MYO1C: variants seen among roughly 807,000 people sequenced by gnomAD.
The protein encoded by MYO1C is unconventional myosin-Ic.
In MYO1C, 104 loss-of-function variants were observed where a neutral mutation model predicts 150.8. The observed-to-expected ratio is 0.69, with a 90% confidence interval of 0.59 to 0.81. The LOEUF (loss-of-function observed/expected upper bound fraction) is 0.81, where lower values mean the gene tolerates loss of function less well. Ranked by LOEUF, MYO1C falls within the 30% of genes least tolerant of loss-of-function variation. The pLI, the probability that MYO1C is intolerant of heterozygous loss-of-function variation, is 0.00. For synonymous variants in MYO1C, 663 were observed against 579.9 expected (o/e 1.14, Z -2.06); for missense variants, 1,504 against 1,435.0 (o/e 1.05, Z -0.78).
At chr17:1,484,437 G>A (rs1331714628) in intron 1 of MYO1C, 134 bp from the exon 2 acceptor site, 18 of 1,104,528 alleles carry the variant, frequency 1.6e-5, no homozygotes, top group Admixed American at 1.2e-4. Flanking sequence ...TGAGCATGAC[G>A]GGTGCGGGGG....
At position 1,470,167 on chromosome 17, in the gene MYO1C, C is replaced by T. The variant is rs746965216; in HGVS notation, c.2526+8G>A. On this transcript the variant is annotated splice_region_variant and intron_variant, in intron 24 of 31. Transcript: ENST00000648651. ...TGGTCCCTAACTTGGCAGGGGGTGC[C>T]CACAGACCTCACGCAGGGCAGGTGG... 19 of 1,606,514 alleles carry T rather than the reference C, an allele frequency of 1.2e-5. No homozygotes were observed. Among genetic ancestry groups the T allele is most frequent in the Admixed American group, 1.7e-5 (1 of 59,528 alleles).
chr17:1,491,629 CGGGCT>C (rs1251531535), intron 1 of MYO1C: 3 of 981,226 alleles, frequency 3.1e-6, no homozygotes, highest in Admixed American at 1.3e-4. Flanking sequence ...CGGGCGGGGC[CGGGCT>C]GGGCGGCGTG....
chr17:1,471,006 G>T, intron 21 of MYO1C, 65 bp downstream of exon 21: 1 of 1,543,236 alleles, frequency 6.5e-7, no homozygotes, highest in South Asian at 1.1e-5. Flanking sequence ...AGGAGCCCAA[G>T]GGAGTGACTT....
At chr17:1,488,797 G>A (rs2074697167) in intron 1 of MYO1C, among the ~76,000 whole-genome samples, 1 of 152,176 alleles carries the variant, frequency 6.6e-6, no homozygotes, top group Admixed American at 6.5e-5. Context: ...TGCAGGCCAT[G>A]GCCCCTGAGT....
intron 7 of MYO1C, 127 bp downstream of exon 7, chr17:1,480,400 A>G (rs1429237561): frequency 1.2e-6 from 1 of 828,256 alleles, no homozygotes; most frequent in African/African-American, 1.7e-5. Flanking sequence ...GTGAGCTGAG[A>G]TTGCACCACT....
intron 1 of MYO1C, among the ~76,000 whole-genome samples, chr17:1,486,593 G>A (rs1249241294): frequency 6.6e-6 from 1 of 151,116 alleles, no homozygotes; most frequent in African/African-American, 2.4e-5. Flanking sequence ...TCGGCTCACT[G>A]CAACCTCTGC....
chr17:1,470,102 T>C (rs553474617), intron 24 of MYO1C, 73 bp downstream of exon 24: 56 of 1,475,794 alleles, frequency 3.8e-5, no homozygotes, highest in Non-Finnish European at 5.0e-5. Flanking sequence ...GACCAATCCT[T>C]TGGCCCGAAG....
intron 30 of MYO1C, 30 bp from the exon 31 acceptor site, chr17:1,467,371 C>G: frequency 6.2e-7 from 1 of 1,603,540 alleles, no homozygotes; most frequent in Non-Finnish European, 8.5e-7. Flanking sequence ...GAGGGTTTTT[C>G]CATGGAGGCA....
At position 1,479,023 on chromosome 17, in the gene MYO1C, C is replaced by CT. The variant is rs904277091; in HGVS notation, c.1093-289dup. Among the ~76,000 whole-genome samples, 2 of 152,002 alleles carry CT rather than the reference C, an allele frequency of 1.3e-5. No individual in the cohort carries two copies. The highest frequency in any genetic ancestry group is 3.9e-4 in the East Asian group (2 of 5,184). ...CCCTGGCCAGCTCACTGTGCTGCTT[C>CT]TTTTTTTTGAGACAGAGTCTAGCTC... On this transcript the variant is annotated intron_variant, in intron 9 of 31. Transcript: ENST00000648651. This position sits in a 1 kb window ranked among gnomAD's most constrained non-coding sequence, Gnocchi z 4.2.
At position 1,470,461 on chromosome 17, in the gene MYO1C, C is replaced by T; in HGVS notation, c.2340G>A (p.Arg780=). The T allele has an allele frequency of 6.4e-7, 1 of 1,550,908 alleles. No individual in the cohort carries two copies. The highest frequency in any genetic ancestry group is 8.7e-7 in the Non-Finnish European group (1 of 1,147,144). Residue 780 remains arginine, a synonymous_variant, in exon 23 of 32, where the codon AGG becomes AGA. Transcript: ENST00000648651. ...GCCGGATGGTCTGTGCCGCCCACTT[C>T]CTCTTGGCTGCCTTCCTCCGGCCCA... ...GTLGRRKAAK[R]KWAAQTIRRL... is the part of the protein sequence containing the mutation.
chr17:1,466,958 A>G (rs1047674030), intron 31 of MYO1C, among the ~76,000 whole-genome samples: 31 of 151,004 alleles, frequency 2.1e-4, no homozygotes, highest in African/African-American at 7.3e-4. Context: ...GGGTTTTGCC[A>G]TGTTGGCCAG....
intron 25 of MYO1C, 57 bp from the exon 26 acceptor site, chr17:1,468,553 G>T (rs2074231294): frequency 1.4e-6 from 2 of 1,423,720 alleles, no homozygotes; most frequent in South Asian, 1.1e-5. Flanking sequence ...ATCTTGGGGG[G>T]GCAGAGCCAG....
intron 1 of MYO1C, chr17:1,491,648 G>A: frequency 2.0e-6 from 2 of 980,888 alleles, no homozygotes. Flanking sequence ...CGGCGTGGCG[G>A]GCTTGGGGAT....
In MYO1C at chr17:1,477,515, G is replaced by T. The variant is rs936149724; in HGVS notation, c.1564C>A (p.His522Asn). Residue 522 changes from histidine to asparagine, a missense_variant, in exon 14 of 32, where the codon CAC (histidine) becomes AAC (asparagine). Physicochemically the swap from His to Asn is moderately conservative, Grantham distance 68. Transcript: ENST00000648651. ...CGCAGCCCCACTCACGTCAGGAAGT[G>T]TGGATGGTGCTTGACAGTATCCTCC... ...KLEDTVKHHP[H>N]FLTHKLADQR... 6.2e-7 allele frequency: 1 copy of T among 1,613,584 alleles called. No individual in the cohort carries two copies. The highest frequency in any genetic ancestry group is 8.5e-7 in the Non-Finnish European group (1 of 1,180,008).
intron 3 of MYO1C, 120 bp downstream of exon 3, chr17:1,483,490 G>C: frequency 1.4e-6 from 1 of 735,960 alleles, no homozygotes; most frequent in Non-Finnish European, 2.3e-6. Flanking sequence ...AAGAGACTGT[G>C]GGATTCCTCA....
At chr17:1,483,802 G>T in intron 2 of MYO1C, 77 bp from the exon 3 acceptor site, 1 of 1,186,356 alleles carries the variant, frequency 8.4e-7, no homozygotes. Context: ...CCAGCACTTT[G>T]GGAGGCCAAG....
intron 5 of MYO1C, 147 bp from the exon 6 acceptor site, chr17:1,481,032 GCCACC>G: frequency 1.3e-6 from 1 of 759,220 alleles, no homozygotes; most frequent in East Asian, 2.6e-5. Context: ...GCTCAGGCAC[GCCACC>G]CACGCTGGAC....
Position 1,484,287 on chromosome 17 carries a change from C to T in MYO1C, c.92G>A (p.Gly31Glu), listed in dbSNP as rs1484732291. 1 of 1,610,786 alleles carries T rather than the reference C, an allele frequency of 6.2e-7. No homozygotes were observed. The highest frequency in any genetic ancestry group is 2.2e-5 in the East Asian group (1 of 44,882). Residue 31 changes from glycine (G) to glutamate (E), a missense_variant, in exon 2 of 32, where the codon GGG becomes GAG. Gly to Glu is a moderately conservative substitution (Grantham distance 98, BLOSUM62 -2). Transcript: ENST00000648651. ...CGCACTCTCCATGGTCACCCGAACC[C>T]CGTCACTGCCCAGGGCCTGCAGAGA... ...RPCKLALGSD[G>E]VRVTMESALT...
In MYO1C at chr17:1,478,667, G is replaced by C; in HGVS notation, c.1161C>G (p.Ser387Arg). The change falls in exon 10 of 32, where the codon AGC (serine) becomes AGG (arginine). Residue 387 changes from serine to arginine, a missense_variant. By Grantham distance (110) the Ser-to-Arg change is moderately radical. Transcript: ENST00000648651. The surrounding 1 kb of genome is among the most constrained non-coding windows in gnomAD (Gnocchi z 6.3). Reference protein sequence around the residue: ...ARDALAKAVYSRTFTWLVGKI... With the variant: ...ARDALAKAVYRRTFTWLVGKI... ...TCCCGACGAGCCAGGTAAAAGTGCGGCTGTACACAGCCTTGGCGAGGGCGT... is the reference window on the plus strand; with the variant it reads ...TCCCGACGAGCCAGGTAAAAGTGCGCCTGTACACAGCCTTGGCGAGGGCGT... The C allele has an allele frequency of 1.2e-6, 2 of 1,614,192 alleles. No homozygotes were observed.
Sources: gnomAD v4.1 joint callset for allele counts (sites outside exome capture counted in the v4.1 genomes callset) on GRCh38, gnomAD v4.1.1 for gene constraint, Gnocchi (gnomAD v3.1) non-coding constraint, MANE v1.5 for transcripts, NCBI Gene and HGNC (gene_info 2026-07-23, HGNC 2026-07-21) for gene names.